The following MCHR2 variants were observed in gnomAD, a reference collection of about 807,000 sequenced individuals.
MCHR2 encodes the protein melanin concentrating hormone receptor 2, also known as melanin-concentrating hormone receptor 2.
In MCHR2, 15 loss-of-function variants were observed where a neutral mutation model predicts 24.8. That is an observed-to-expected ratio of 0.60 (90% CI 0.40 to 0.93). The LOEUF (loss-of-function observed/expected upper bound fraction) is 0.93. Among genes scored for constraint, MCHR2 ranks in the 40% least tolerant of loss-of-function variants. The probability of loss-of-function intolerance (pLI) is 0.00; values close to 1 mark genes in which losing one functional copy is unlikely to be tolerated. For synonymous variants in MCHR2, 151 were observed against 147.6 expected, an observed-to-expected ratio of 1.02 and a Z score of -0.17; for missense variants, 386 against 408.7, an observed-to-expected ratio of 0.94 and a Z score of 0.48.
chr6:99,975,195 G>A (rs1273845930), intron 1 of MCHR2, among the ~76,000 whole-genome samples: 64 of 152,340 alleles, frequency 4.2e-4, no homozygotes, highest in Admixed American at 4.2e-3. Context: ...AGGCAGGCAG[G>A]TCTCCTTGAG....
chr6:99,930,222 G>A (rs2114497020), intron 5 of MCHR2, among the ~76,000 whole-genome samples: 1 of 152,232 alleles, frequency 6.6e-6, no homozygotes, highest in African/African-American at 2.4e-5. Flanking sequence ...TTAGTCTGAT[G>A]GGCTTCCCTT....
chr6:99,982,323 GA>G (rs546018340), intron 1 of MCHR2, among the ~76,000 whole-genome samples: 36 of 151,792 alleles, frequency 2.4e-4, no homozygotes, highest in African/African-American at 8.5e-4. Flanking sequence ...ATCTAATATT[GA>G]TATATAAAAC....
At chr6:99,953,441 C>A (rs1775002260) in intron 2 of MCHR2, among the ~76,000 whole-genome samples, 1 of 152,014 alleles carries the variant, frequency 6.6e-6, no homozygotes, top group South Asian at 2.1e-4. Context: ...GTCCAACAGG[C>A]AAATGGGAGT....
At chr6:99,925,285 T>C (rs1387279224) in intron 5 of MCHR2, among the ~76,000 whole-genome samples, 1 of 152,118 alleles carries the variant, frequency 6.6e-6, no homozygotes, top group Non-Finnish European at 1.5e-5. Context: ...TCTATGTGTG[T>C]CTTTATAGTT....
intron 5 of MCHR2, among the ~76,000 whole-genome samples, chr6:99,930,712 G>A (rs988542156): frequency 6.6e-6 from 1 of 152,036 alleles, no homozygotes; most frequent in Admixed American, 6.5e-5. Context: ...GCACTTCTCT[G>A]TATTGGTTAT....
intron 1 of MCHR2, among the ~76,000 whole-genome samples, chr6:99,956,515 A>G (rs1367430340): frequency 6.6e-6 from 1 of 152,128 alleles, no homozygotes; most frequent in Non-Finnish European, 1.5e-5. Context: ...ATTGGCCTGC[A>G]GATCTGTTCA....
intron 1 of MCHR2, among the ~76,000 whole-genome samples, chr6:99,972,586 T>C (rs1326016882): frequency 3.9e-5 from 6 of 152,228 alleles, no homozygotes; most frequent in Non-Finnish European, 1.5e-5. Flanking sequence ...ATTTTAGTAA[T>C]TTCTTGCCTT....
chr6:99,982,467 G>GAAAAAAAA (rs1196029682), intron 1 of MCHR2, among the ~76,000 whole-genome samples: 13 of 46,602 alleles, frequency 2.8e-4, no homozygotes, highest in Admixed American at 8.9e-4. Flanking sequence ...TGTCTGTACA[G>GAAAAAAAA]AAAAAAAAAA....
At chr6:99,953,707 A>G (rs1775008607) in intron 2 of MCHR2, among the ~76,000 whole-genome samples, 1 of 150,944 alleles carries the variant, frequency 6.6e-6, no homozygotes, top group Admixed American at 6.6e-5. Flanking sequence ...TGGTATTTTC[A>G]TAAACCCTAG....
At chr6:99,976,001 CA>C (rs1330556059) in intron 1 of MCHR2, among the ~76,000 whole-genome samples, 3 of 152,156 alleles carry the variant, frequency 2.0e-5, no homozygotes, top group African/African-American at 7.2e-5. Flanking sequence ...TGCAGACAGT[CA>C]GGAGCAGGTG....
chr6:99,941,648 C>T (rs1201160707), intron 4 of MCHR2, among the ~76,000 whole-genome samples: 2 of 152,112 alleles, frequency 1.3e-5, no homozygotes, highest in African/African-American at 2.4e-5. Context: ...TCTTTTGCCA[C>T]ATAAGGACAA....
chr6:99,973,366 T>A (rs1775474527), intron 1 of MCHR2, among the ~76,000 whole-genome samples: 1 of 152,114 alleles, frequency 6.6e-6, no homozygotes, highest in African/African-American at 2.4e-5. Context: ...GTCTGTTTTA[T>A]CAGAGACTAG....
At chr6:99,926,656 G>A (rs370836282) in intron 5 of MCHR2, among the ~76,000 whole-genome samples, 13 of 152,116 alleles carry the variant, frequency 8.5e-5, no homozygotes, top group African/African-American at 2.9e-4. Flanking sequence ...GTCTGTTCAT[G>A]TCCTTCGCCC....
chr6:99,931,275 C>T lies in MCHR2; in HGVS notation c.707+3123G>A, dbSNP rs529812516. Reference sequence around the variant, plus strand: ...GGGGGTGCCTCCCAGTTAGGCTGCTCGGGGGTCAGGGGTCAGGGACCCATT... The same window carrying T: ...GGGGGTGCCTCCCAGTTAGGCTGCTTGGGGGTCAGGGGTCAGGGACCCATT... On this transcript the variant is annotated intron_variant, in intron 5 of 5. Transcript: ENST00000281806. 1.8e-4 allele frequency among the ~76,000 whole-genome samples: 27 copies of T among 152,292 alleles called. No individual in the cohort carries two copies. The East Asian group carries it at 2.5e-3, about 14-fold the overall frequency.
chr6:99,966,112 C>G (rs1359823551), intron 1 of MCHR2, among the ~76,000 whole-genome samples: 1 of 152,108 alleles, frequency 6.6e-6, no homozygotes, highest in Non-Finnish European at 1.5e-5. Context: ...TTTTCCAGCT[C>G]TCAAGTCCTT....
At chr6:99,940,510 A>G (rs2114517812) in intron 4 of MCHR2, among the ~76,000 whole-genome samples, 1 of 152,098 alleles carries the variant, frequency 6.6e-6, no homozygotes, top group South Asian at 2.1e-4. Context: ...GAGATCACTG[A>G]GTTTCCTAAA....
chr6:99,974,915 C>T (rs890431469), intron 1 of MCHR2, among the ~76,000 whole-genome samples: 2 of 152,136 alleles, frequency 1.3e-5, no homozygotes, highest in African/African-American at 4.8e-5. Flanking sequence ...AATGCTGCTG[C>T]CTGATCGTTC....
At chr6:99,976,795 G>A (rs1484430801) in intron 1 of MCHR2, among the ~76,000 whole-genome samples, 2 of 152,180 alleles carry the variant, frequency 1.3e-5, no homozygotes, top group Non-Finnish European at 2.9e-5. Context: ...GCCTTGCTAA[G>A]GTAAGGCCTG....
intron 1 of MCHR2, among the ~76,000 whole-genome samples, chr6:99,965,176 C>A (rs1364156323): frequency 1.3e-5 from 2 of 152,070 alleles, no homozygotes; most frequent in Non-Finnish European, 2.9e-5. Flanking sequence ...TGTTAAAAAA[C>A]CAGTCTAACA....
Sources: allele counts gnomAD v4.1 joint callset (sites outside exome capture counted in the v4.1 genomes callset), GRCh38; gene constraint gnomAD v4.1.1; transcripts MANE v1.5; gene names NCBI Gene and HGNC (gene_info 2026-07-23, HGNC 2026-07-21).